Variants in HLTF observed in about 807,000 individuals in gnomAD.
HLTF encodes the protein DNA-dependent ATPase/E3 ubiquitin-protein ligase HLTF.
HLTF carries 127 observed loss-of-function variants against 129.4 expected under a neutral mutation model. The ratio of observed to expected loss-of-function variants is 0.98; its 90% CI spans 0.85 to 1.14. HLTF has a LOEUF of 1.14. Among genes scored for constraint, HLTF ranks in the 50% most tolerant of loss-of-function variants. The pLI is 0.00. For missense variants in HLTF, 1,139 were observed against 1,187.1 expected (o/e 0.96, Z 0.60); for synonymous variants, 332 against 388.8 (o/e 0.85, Z 1.72).
intron 16 of HLTF, among the ~76,000 whole-genome samples, chr3:149,048,609 C>CACT (rs1716740583): frequency 6.6e-6 from 1 of 152,242 alleles, no homozygotes; most frequent in South Asian, 2.1e-4. Flanking sequence ...ACTCCATTTC[C>CACT]ACTAGAGTGT....
chr3:149,070,977 G>A (rs1369022335), intron 7 of HLTF, among the ~76,000 whole-genome samples: 4 of 151,922 alleles, frequency 2.6e-5, no homozygotes, highest in South Asian at 4.2e-4. Context: ...CCTGGGAGGC[G>A]GAGGCTGCAG....
rs929206655 is a variant in HLTF, at chr3:149,055,232, T to C, written c.1473+71A>G. Reference sequence around the variant, plus strand: ...ATATTTACCCCAATGAATGACTCTTTAACAGAATACTTTCTACCTTGTAGA... The same window carrying C: ...ATATTTACCCCAATGAATGACTCTTCAACAGAATACTTTCTACCTTGTAGA... On this transcript the variant is annotated intron_variant, in intron 14 of 24. Coordinates refer to ENST00000310053, the MANE Select transcript of HLTF (RefSeq NM_003071.4). 5 of 1,096,220 alleles carry C rather than the reference T, an allele frequency of 4.6e-6. No homozygotes were observed. In the African/African-American group the frequency reaches 7.9e-5, roughly 17 times the overall value. 67.9% of individuals were successfully genotyped at this position (1,096,220 alleles called of 1,614,324 possible). A position where few individuals can be genotyped will look rare whatever the true frequency, so the allele number is the denominator to read the frequency against.
At chr3:149,067,686 GA>G (rs896922529) in intron 8 of HLTF, among the ~76,000 whole-genome samples, 40 of 147,194 alleles carry the variant, frequency 2.7e-4, no homozygotes, top group African/African-American at 8.8e-4. Flanking sequence ...AATGTTGAGG[GA>G]AAAAAAAATA....
Position 149,039,573 on chromosome 3 carries a change from G to T in HLTF, c.2615+8C>A. The T allele has an allele frequency of 7.9e-7, 1 of 1,268,536 alleles. No individual in the cohort carries two copies. Among genetic ancestry groups the T allele is most frequent in the Non-Finnish European group, 1.1e-6 (1 of 884,770 alleles). 78.6% of individuals were successfully genotyped at this position (1,268,536 alleles called of 1,614,324 possible). Reference sequence around the variant, plus strand: ...TTTACTGAAAGTGAAAAACACTGTGGAACTTACTTAAGTGGTATTTCTATT... The same window carrying T: ...TTTACTGAAAGTGAAAAACACTGTGTAACTTACTTAAGTGGTATTTCTATT... On this transcript the variant is annotated splice_region_variant and intron_variant, in intron 22 of 24. Transcript: ENST00000310053.
chr3:149,083,398 A>C (rs1720055682), intron 2 of HLTF, among the ~76,000 whole-genome samples: 1 of 152,232 alleles, frequency 6.6e-6, no homozygotes, highest in Non-Finnish European at 1.5e-5. Flanking sequence ...ATCAACACAC[A>C]CTAGAGTTTA....
At chr3:149,063,389 G>T in intron 10 of HLTF, 42 bp downstream of exon 10, 1 of 1,261,018 alleles carries the variant, frequency 7.9e-7, no homozygotes, top group Non-Finnish European at 1.2e-6. Context: ...AGAAAACAGA[G>T]TCTAAATAAA....
rs367633765 is a variant in HLTF, at chr3:149,031,418, TTATC to T, written c.*798_*801del. On this transcript the variant is annotated 3_prime_UTR_variant, in exon 25 of 25. Coordinates refer to ENST00000310053, the MANE Select transcript of HLTF (RefSeq NM_003071.4). Reference sequence around the variant, plus strand: ...CCAAAAAAAGCTACATAAATAAAAATTATCTATTTATAGAAATATCTATTTAGCA... The same window carrying T: ...CCAAAAAAAGCTACATAAATAAAAATTATTTATAGAAATATCTATTTAGCA... The T allele has an allele frequency of 1.9e-4, 29 of 152,662 alleles. No homozygotes were observed. In the East Asian group the frequency reaches 4.6e-3, roughly 24 times the overall value. 9.5% of individuals were successfully genotyped at this position (152,662 alleles called of 1,614,324 possible). A position where few individuals can be genotyped will look rare whatever the true frequency, so the allele number is the denominator to read the frequency against.
chr3:149,065,691 A>C (rs927963952), intron 8 of HLTF, among the ~76,000 whole-genome samples: 3 of 152,144 alleles, frequency 2.0e-5, no homozygotes, highest in Non-Finnish European at 4.4e-5. Flanking sequence ...TTAGCCAGGC[A>C]TGGTGGCGGG....
chr3:149,031,563 A>G lies in HLTF; in HGVS notation c.*657T>C, dbSNP rs1715047516. 6.6e-6 allele frequency: 1 copy of G among 152,548 alleles called. No individual in the cohort carries two copies. The highest frequency in any genetic ancestry group is 2.1e-4 in the South Asian group (1 of 4,834). 9.4% of individuals were successfully genotyped at this position (152,548 alleles called of 1,614,324 possible). A position where few individuals can be genotyped will look rare whatever the true frequency, so the allele number is the denominator to read the frequency against. Reference sequence around the variant, plus strand: ...GTTACATTTAAACAATGAGTGTAGTACTACTTAACTAAAATGGAAAAAATA... The same window carrying G: ...GTTACATTTAAACAATGAGTGTAGTGCTACTTAACTAAAATGGAAAAAATA... On this transcript the variant is annotated 3_prime_UTR_variant, in exon 25 of 25. Transcript: ENST00000310053.
Position 149,073,173 on chromosome 3 carries a change from C to T in HLTF, c.627+52G>A, listed in dbSNP as rs1342498458. On this transcript the variant is annotated intron_variant, in intron 5 of 24. Coordinates refer to ENST00000310053, the MANE Select transcript of HLTF (RefSeq NM_003071.4). ...TTCATCCTGTTCTTTTAAATACAAA[C>T]CTGCAACATTTAAAATTCACTTTTA... 5.7e-6 allele frequency: 7 copies of T among 1,233,280 alleles called. No individual in the cohort carries two copies. The African/African-American group carries it at 1.1e-4, about 19-fold the overall frequency. The allele number at this position is 1,233,280 out of a possible 1,614,324, so 76.4% of individuals were successfully genotyped here. A position where few individuals can be genotyped will look rare whatever the true frequency, so the allele number is the denominator to read the frequency against.
chr3:149,046,159 T>A lies in HLTF; in HGVS notation c.1993A>T (p.Ile665Phe). 1 of 1,610,758 alleles carries A rather than the reference T, an allele frequency of 6.2e-7. No individual in the cohort carries two copies. Among genetic ancestry groups the A allele is most frequent in the Non-Finnish European group, 8.5e-7 (1 of 1,177,830 alleles). The stretch of plus-strand genomic sequence containing the variant: ...TCATCTGAAAGTGTAATGTGCTGAA[T>A]AAATACTTTACGTTCTGGTAACTCC... ...VLELPERKVF[I>F]QHITLSDEER... The change falls in exon 18 of 25, where the codon ATT (isoleucine) becomes TTT (phenylalanine). Residue 665 changes from isoleucine (I) to phenylalanine (F), a missense_variant. Coordinates refer to ENST00000310053, the MANE Select transcript of HLTF (RefSeq NM_003071.4).
chr3:149,032,413 T>C lies in HLTF; in HGVS notation c.2878-41A>G, dbSNP rs377670999. On this transcript the variant is annotated intron_variant, in intron 24 of 24. Transcript: ENST00000310053. ...AAAAAGTTAAGTAGTTTTTAAGGCA[T>C]AGTATTTAAAATCTTTATTAAAAAA... 1.4e-5 allele frequency: 18 copies of C among 1,243,702 alleles called. No homozygotes were observed. In the East Asian group the frequency reaches 2.6e-4, roughly 18 times the overall value. The allele number at this position is 1,243,702 out of a possible 1,614,324, so 77.0% of individuals were successfully genotyped here. A position where few individuals can be genotyped will look rare whatever the true frequency, so the allele number is the denominator to read the frequency against.
At chr3:149,042,083 G>A in intron 19 of HLTF, 83 bp downstream of exon 19, 1 of 1,207,152 alleles carries the variant, frequency 8.3e-7, no homozygotes, top group Non-Finnish European at 1.2e-6. Context: ...TAAACTAAAT[G>A]TATGCCACAT....
intron 2 of HLTF, among the ~76,000 whole-genome samples, chr3:149,080,411 A>G (rs1427760123): frequency 6.6e-6 from 1 of 151,750 alleles, no homozygotes; most frequent in Non-Finnish European, 1.5e-5. Context: ...CTCTCCCAGC[A>G]TGTCTACTGA....
Position 149,042,260 on chromosome 3 carries a change from ATGT to A in HLTF, c.2100_2102del (p.His701del), listed in dbSNP as rs775994183. On this transcript the variant is annotated inframe_deletion, in exon 19 of 25. Coordinates refer to ENST00000310053, the MANE Select transcript of HLTF (RefSeq NM_003071.4). ...GCAAAAGACCCAGGACATCTGCATA[ATGT>A]GCCAGGACAGTCCCTTCATTAAAAT... is the stretch of plus-strand genomic sequence containing the variant. 1 of 1,612,918 alleles carries A rather than the reference ATGT, an allele frequency of 6.2e-7. No homozygotes were observed. The highest frequency in any genetic ancestry group is 2.2e-5 in the East Asian group (1 of 44,852).
chr3:149,068,473 A>G (rs916207909), intron 7 of HLTF, 138 bp from the exon 8 acceptor site: 3 of 438,164 alleles, frequency 6.8e-6, no homozygotes, highest in South Asian at 4.9e-5. Flanking sequence ...TTAATGAAAA[A>G]TGAGTATTTC....
chr3:149,040,375 G>C (rs1462373723), intron 20 of HLTF: 9 of 439,642 alleles, frequency 2.0e-5, no homozygotes, highest in Admixed American at 9.0e-5. Context: ...AAAAGTATGT[G>C]ATCTGGACTA....
chr3:149,053,114 G>C (rs1480027697), intron 14 of HLTF, among the ~76,000 whole-genome samples: 1 of 152,220 alleles, frequency 6.6e-6, no homozygotes, highest in Non-Finnish European at 1.5e-5. Context: ...GTTCTAGCCT[G>C]CTCTGTAGAA....
intron 23 of HLTF, among the ~76,000 whole-genome samples, chr3:149,038,220 T>C (rs180812038): frequency 1.3e-5 from 2 of 152,220 alleles, no homozygotes; most frequent in South Asian, 2.1e-4. Flanking sequence ...AGAACCGTGA[T>C]GGTAATCATT....
Sources: gnomAD v4.1 joint callset for allele counts (sites outside exome capture counted in the v4.1 genomes callset) on GRCh38, gnomAD v4.1.1 for gene constraint, MANE v1.5 for transcripts, NCBI Gene and HGNC (gene_info 2026-07-23, HGNC 2026-07-21) for gene names.